The following EFEMP1 variants were observed in gnomAD, a reference collection of about 807,000 sequenced individuals.
EFEMP1 encodes EGF-like fibulin extracellular matrix protein 1, also known as EGF-containing fibulin-like extracellular matrix protein 1.
In EFEMP1, 18 loss-of-function variants were observed where a neutral mutation model predicts 65.7. The ratio of observed to expected loss-of-function variants is 0.27; its 90% CI spans 0.19 to 0.41. The LOEUF (loss-of-function observed/expected upper bound fraction) is 0.41, where lower values mean the gene tolerates loss of function less well. EFEMP1 is among the 10% of genes least tolerant of loss of function. The pLI is 1.00. For missense variants in EFEMP1, 469 were observed against 624.8 expected, an observed-to-expected ratio of 0.75 and a Z score of 2.66; for synonymous variants, 237 against 219.7, an observed-to-expected ratio of 1.08 and a Z score of -0.70.
At position 55,921,944 on chromosome 2, in the gene EFEMP1, T is replaced by C. The variant is rs1479797779; in HGVS notation, c.81+416A>G. 2 of 226,268 alleles carry C rather than the reference T, an allele frequency of 8.8e-6. No homozygotes were observed. Among genetic ancestry groups the C allele is most frequent in the Non-Finnish European group, 1.8e-5 (2 of 111,786 alleles). The allele number at this position is 226,268 out of a possible 1,614,324, so 14.0% of individuals were successfully genotyped here. On this transcript the variant is annotated intron_variant, in intron 3 of 11. Transcript: ENST00000355426. The surrounding 1 kb of genome is among the most constrained non-coding windows in gnomAD (Gnocchi z 4.1). The stretch of plus-strand genomic sequence containing the variant: ...CATGTCATGTACACAAAGAAGGCCA[T>C]GTGTCTTTATGGTGTTTAACGTTCT...
At chr2:55,893,298 G>A (rs898449193) in intron 5 of EFEMP1, among the ~76,000 whole-genome samples, 1 of 152,046 alleles carries the variant, frequency 6.6e-6, no homozygotes, top group Non-Finnish European at 1.5e-5. Flanking sequence ...AAGAATTAAT[G>A]TTTATATATA....
chr2:55,901,197 A>G (rs1490704234), intron 5 of EFEMP1, among the ~76,000 whole-genome samples: 1 of 152,224 alleles, frequency 6.6e-6, no homozygotes, highest in African/African-American at 2.4e-5. Context: ...ACAAACACAA[A>G]TATTGGAATG....
intron 5 of EFEMP1, among the ~76,000 whole-genome samples, chr2:55,891,024 GGTT>G (rs1274224022): frequency 6.6e-6 from 1 of 151,974 alleles, no homozygotes; most frequent in Non-Finnish European, 1.5e-5. Context: ...TGTCACTGGG[GGTT>G]GTTGTACAGA....
intron 5 of EFEMP1, 37 bp from the exon 6 acceptor site, chr2:55,881,771 T>G: frequency 1.2e-6 from 2 of 1,613,766 alleles, no homozygotes; most frequent in Non-Finnish European, 8.5e-7. Context: ...AATTGTCAGT[T>G]GTGAAGATGT....
intron 5 of EFEMP1, among the ~76,000 whole-genome samples, chr2:55,901,981 G>A (rs1399880352): frequency 2.6e-5 from 4 of 152,196 alleles, no homozygotes; most frequent in South Asian, 2.1e-4. Flanking sequence ...GAGGCAGGAA[G>A]TCAATCCTGC....
chr2:55,887,726 G>T (rs958650712), intron 5 of EFEMP1, among the ~76,000 whole-genome samples: 4 of 152,060 alleles, frequency 2.6e-5, no homozygotes, highest in African/African-American at 4.8e-5. Context: ...TTAATAATTT[G>T]GTGTGCTTTA....
rs1001370934 is a variant in EFEMP1, at chr2:55,886,377, A to G, written c.518-4643T>C. 2.0e-5 allele frequency among the ~76,000 whole-genome samples: 3 copies of G among 152,200 alleles called. No homozygotes were observed. Among genetic ancestry groups the G allele is most frequent in the Non-Finnish European group, 2.9e-5 (2 of 68,020 alleles). On this transcript the variant is annotated intron_variant, in intron 5 of 11. Coordinates refer to ENST00000355426, the MANE Select transcript of EFEMP1 (RefSeq NM_001039348.3). The surrounding 1 kb of genome is among the most constrained non-coding windows in gnomAD (Gnocchi z 4.0). ...ACTAGTTCTGTGTGGGGCACTGTGCATGCTTTGCAAATATTATTTAATGGT... is the reference window on the plus strand; with the variant it reads ...ACTAGTTCTGTGTGGGGCACTGTGCGTGCTTTGCAAATATTATTTAATGGT...
At chr2:55,894,712 C>T (rs1000287058) in intron 5 of EFEMP1, among the ~76,000 whole-genome samples, 2 of 152,140 alleles carry the variant, frequency 1.3e-5, no homozygotes, top group Admixed American at 1.3e-4. Context: ...TACAAAATGA[C>T]CTTCTTCAAA....
At chr2:55,894,848 C>T (rs1396338816) in intron 5 of EFEMP1, among the ~76,000 whole-genome samples, 1 of 152,150 alleles carries the variant, frequency 6.6e-6, no homozygotes, top group Non-Finnish European at 1.5e-5. Context: ...AAGCACCATG[C>T]TTATGGTAAT....
chr2:55,923,165 C>A lies in EFEMP1; in HGVS notation c.-48-226G>T, dbSNP rs891803031. Reference sequence around the variant, plus strand: ...TCCCAGGTTGTGTGGAGGGGCAGCCCAAAGCGACTGATTCTCTTTTGTCTT... The same window carrying A: ...TCCCAGGTTGTGTGGAGGGGCAGCCAAAAGCGACTGATTCTCTTTTGTCTT... On this transcript the variant is annotated intron_variant, in intron 1 of 11. Coordinates refer to ENST00000355426, the MANE Select transcript of EFEMP1 (RefSeq NM_001039348.3). The surrounding 1 kb of genome is among the most constrained non-coding windows in gnomAD (Gnocchi z 5.3). Among the ~76,000 whole-genome samples the A allele has an allele frequency of 6.6e-6, 1 of 152,146 alleles. No individual in the cohort carries two copies. Among genetic ancestry groups the A allele is most frequent in the African/African-American group, 2.4e-5 (1 of 41,444 alleles).
At chr2:55,872,721 G>C (rs1466610443) in intron 9 of EFEMP1, among the ~76,000 whole-genome samples, 3 of 152,054 alleles carry the variant, frequency 2.0e-5, no homozygotes, top group Admixed American at 6.6e-5. Context: ...GTCTCCAAGA[G>C]ACAGTTACAA....
Position 55,918,173 on chromosome 2 carries a change from G to A in EFEMP1, c.130+46C>T, listed in dbSNP as rs1438673804. 15 of 1,613,292 alleles carry A rather than the reference G, an allele frequency of 9.3e-6. No individual in the cohort carries two copies. The East Asian group carries it at 3.1e-4, about 34-fold the overall frequency. ...GACAGGAAGAGTGACACAAGAGATG[G>A]AGACAGAAGGCAATGATCACATGGA... On this transcript the variant is annotated intron_variant, in intron 4 of 11. Transcript: ENST00000355426.
At chr2:55,875,625 G>A (rs542782435) in intron 8 of EFEMP1, among the ~76,000 whole-genome samples, 1 of 152,132 alleles carries the variant, frequency 6.6e-6, no homozygotes, top group African/African-American at 2.4e-5. Context: ...GAATGAATTG[G>A]CTTGTGGTTG....
At chr2:55,894,105 A>C (rs1382412276) in intron 5 of EFEMP1, among the ~76,000 whole-genome samples, 1 of 152,208 alleles carries the variant, frequency 6.6e-6, no homozygotes, top group Non-Finnish European at 1.5e-5. Context: ...TGATGGCTAC[A>C]GAATCGCTTC....
chr2:55,901,728 C>G (rs1474291186), intron 5 of EFEMP1, among the ~76,000 whole-genome samples: 1 of 152,144 alleles, frequency 6.6e-6, no homozygotes, highest in Non-Finnish European at 1.5e-5. Context: ...CTCAATGATG[C>G]CAACATCTTG....
At chr2:55,895,770 T>C (rs1669807821) in intron 5 of EFEMP1, among the ~76,000 whole-genome samples, 1 of 151,668 alleles carries the variant, frequency 6.6e-6, no homozygotes, top group Admixed American at 6.6e-5. Context: ...CTCTATCTCC[T>C]GACCTCGTGA....
At chr2:55,918,157 A>G (rs1670777312) in intron 4 of EFEMP1, 62 bp downstream of exon 4, 3 of 1,612,660 alleles carry the variant, frequency 1.9e-6, no homozygotes. Context: ...GGACAGGAAG[A>G]GTGACACAAG....
chr2:55,913,073 A>G (rs1670541401), intron 5 of EFEMP1, among the ~76,000 whole-genome samples: 1 of 152,254 alleles, frequency 6.6e-6, no homozygotes, highest in South Asian at 2.1e-4. Flanking sequence ...TTTTGAAAGT[A>G]CAAAACAAAT....
In EFEMP1 at chr2:55,871,520, T is replaced by C. The variant is rs1235259728; in HGVS notation, c.1001-397A>G. ...TTAAGTAAGAGATAGATAAGTATAC[T>C]GGGGCATGTGGAGCAGAGTTGGGTA... On this transcript the variant is annotated intron_variant, in intron 9 of 11. Transcript: ENST00000355426. The surrounding 1 kb of genome is among the most constrained non-coding windows in gnomAD (Gnocchi z 4.2). Among the ~76,000 whole-genome samples the C allele has an allele frequency of 6.6e-6, 1 of 152,078 alleles. No homozygotes were observed. Among genetic ancestry groups the C allele is most frequent in the East Asian group, 1.9e-4 (1 of 5,180 alleles).
Sources: allele counts gnomAD v4.1 joint callset (sites outside exome capture counted in the v4.1 genomes callset), GRCh38; gene constraint gnomAD v4.1.1; non-coding constraint Gnocchi (gnomAD v3.1); transcripts MANE v1.5; gene names NCBI Gene and HGNC (gene_info 2026-07-23, HGNC 2026-07-21).